The following SCAF8 variants were observed in gnomAD, a reference collection of about 807,000 sequenced individuals.
The protein encoded by SCAF8 is SR-related and CTD-associated factor 8.
SCAF8 carries 23 observed loss-of-function variants against 140.5 expected under a neutral mutation model. The ratio of observed to expected loss-of-function variants is 0.16; its 90% CI spans 0.12 to 0.23. The LOEUF is 0.23. Among genes scored for constraint, SCAF8 ranks in the 10% least tolerant of loss-of-function variants. The probability of loss-of-function intolerance (pLI) is 1.00; values close to 1 mark genes in which losing one functional copy is unlikely to be tolerated. For synonymous variants in SCAF8, 575 were observed against 528.9 expected, an observed-to-expected ratio of 1.09 and a Z score of -1.20; for missense variants, 1,397 against 1,555.7, an observed-to-expected ratio of 0.90 and a Z score of 1.72.
chr6:154,733,984 G>A, intron 1 of SCAF8, 54 bp downstream of exon 1: 1 of 1,475,124 alleles, frequency 6.8e-7, no homozygotes, highest in Non-Finnish European at 9.0e-7. Flanking sequence ...CCCACCCCTG[G>A]TCGAGGCCGG....
At chr6:154,824,044 T>C (rs1392759395) in intron 16 of SCAF8, among the ~76,000 whole-genome samples, 190 bp from the exon 17 acceptor site, 2 of 152,052 alleles carry the variant, frequency 1.3e-5, no homozygotes, top group Non-Finnish European at 2.9e-5. Flanking sequence ...GTAAAAACTA[T>C]CTGTTGAATA....
intron 2 of SCAF8, among the ~76,000 whole-genome samples, chr6:154,775,528 T>G (rs1216024297): frequency 1.3e-5 from 2 of 152,208 alleles, no homozygotes; most frequent in Non-Finnish European, 2.9e-5. Flanking sequence ...TTTTCAGATG[T>G]CAGACGGGTC....
intron 16 of SCAF8, 77 bp downstream of exon 16, chr6:154,822,486 A>T: frequency 7.2e-7 from 1 of 1,388,856 alleles, no homozygotes; most frequent in Non-Finnish European, 9.8e-7. Context: ...TACTTTATAA[A>T]ACCGGAATGA....
intron 4 of SCAF8, among the ~76,000 whole-genome samples, chr6:154,790,790 G>A (rs7758477): frequency 0.56 from 85,545 of 151,862 alleles, 26,146 homozygotes; most frequent in East Asian, 0.91. Flanking sequence ...GATTACAGGC[G>A]TGAGCCACTG....
At chr6:154,750,881 T>G (rs1053006993) in intron 1 of SCAF8, among the ~76,000 whole-genome samples, 4 of 152,206 alleles carry the variant, frequency 2.6e-5, no homozygotes, top group African/African-American at 9.6e-5. Flanking sequence ...TTATTCTTTT[T>G]CTTGTTCTCA....
chr6:154,758,856 CT>C, intron 1 of SCAF8, among the ~76,000 whole-genome samples: 1 of 152,230 alleles, frequency 6.6e-6, no homozygotes, highest in South Asian at 2.1e-4. Context: ...TTCTTTTTTC[CT>C]TCCCTCCTCC....
intron 14 of SCAF8, among the ~76,000 whole-genome samples, 178 bp from the exon 15 acceptor site, chr6:154,819,999 A>T (rs1778366236): frequency 6.6e-6 from 1 of 152,224 alleles, no homozygotes; most frequent in African/African-American, 2.4e-5. Context: ...AGACAAAGGG[A>T]AACAACTGGA....
intron 6 of SCAF8, among the ~76,000 whole-genome samples, chr6:154,798,021 G>A (rs1173195699): frequency 6.6e-6 from 1 of 151,146 alleles, no homozygotes; most frequent in African/African-American, 2.4e-5. Context: ...TCACTTCATT[G>A]GTTGTTTTTC....
chr6:154,769,218 A>C (rs907782343), intron 1 of SCAF8, among the ~76,000 whole-genome samples: 1 of 152,198 alleles, frequency 6.6e-6, no homozygotes, highest in Middle Eastern at 3.2e-3. Context: ...CAGTGGGTAC[A>C]TTTTTAAGGA....
intron 1 of SCAF8, among the ~76,000 whole-genome samples, chr6:154,751,298 C>T (rs190079091): frequency 7.2e-5 from 11 of 151,838 alleles, no homozygotes; most frequent in East Asian, 3.9e-4. Context: ...GTGTGATCTC[C>T]GCTCACTGCA....
intron 2 of SCAF8, among the ~76,000 whole-genome samples, chr6:154,777,204 TAA>T (rs1303699306): frequency 2.0e-5 from 3 of 151,746 alleles, no homozygotes; most frequent in Non-Finnish European, 4.4e-5. Context: ...AAAAAAAGTA[TAA>T]AGAGAAGCAC....
intron 14 of SCAF8, among the ~76,000 whole-genome samples, chr6:154,819,234 G>A (rs542987416): frequency 4.5e-4 from 69 of 152,008 alleles, no homozygotes; most frequent in Middle Eastern, 3.4e-3. Context: ...TTTCATTCAT[G>A]ACTGAGTTTC....
intron 1 of SCAF8, among the ~76,000 whole-genome samples, chr6:154,761,790 A>G (rs1776409358): frequency 6.6e-6 from 1 of 152,096 alleles, no homozygotes; most frequent in Non-Finnish European, 1.5e-5. Context: ...AGGAGTTTTT[A>G]TTTTAAGGGA....
intron 3 of SCAF8, among the ~76,000 whole-genome samples, chr6:154,784,204 CT>C (rs1029279788): frequency 2.1e-5 from 3 of 140,502 alleles, no homozygotes; most frequent in East Asian, 2.2e-4. Flanking sequence ...TGTAACTGGA[CT>C]TTTATCATGA....
chr6:154,831,954 T>C lies in SCAF8; in HGVS notation c.2375T>C (p.Ile792Thr). Residue 792 changes from isoleucine to threonine, a missense_variant, in exon 20 of 20, where the codon ATT becomes ACT. Physicochemically the swap from Ile to Thr is moderately conservative, Grantham distance 89. Transcript: ENST00000367178. The part of the protein sequence containing the change: ...ENTRSVIPND[I>T]SSNAAILGGQ... ...TTTTTTTTAGTGATTCCAAATGATA[T>C]TTCAAGTAATGCTGCAATTTTAGGA... 1 of 1,593,250 alleles carries C rather than the reference T, an allele frequency of 6.3e-7. No individual in the cohort carries two copies. The highest frequency in any genetic ancestry group is 8.5e-7 in the Non-Finnish European group (1 of 1,172,894).
At position 154,830,961 on chromosome 6, in the gene SCAF8, T is replaced by C; in HGVS notation, c.2180T>C (p.Val727Ala). 1 of 1,614,120 alleles carries C rather than the reference T, an allele frequency of 6.2e-7. No individual in the cohort carries two copies. The change falls in exon 19 of 20, where the codon GTG becomes GCG. Residue 727 changes from valine (V) to alanine (A), a missense_variant. Around this residue, in one of 5 missense-constraint regions of SCAF8, gnomAD observed 930 missense variants for 874.6 expected, o/e 1.06. Coordinates refer to ENST00000367178, the MANE Select transcript of SCAF8 (RefSeq NM_014892.5). ...TCATTATCCATGACACCGGAAACTG[T>C]GAAAGATGTTGGATTTGGTAGCCTT... ...QPSLSMTPET[V>A]KDVGFGSLVI...
rs748646598 is a variant in SCAF8, at chr6:154,810,036, T to C, written c.1248T>C (p.Ser416=). ...SRSRSPRKRR[S]RSRSGSRKRK... ...GTAGATCACCAAGAAAACGAAGGTC[T>C]AGGTCACGGTCTGGCTCTAGAAAGC... The change falls in exon 12 of 20, where the codon TCT becomes TCC. Residue 416 remains serine, a synonymous_variant. Coordinates refer to ENST00000367178, the MANE Select transcript of SCAF8 (RefSeq NM_014892.5). 4.4e-6 allele frequency: 7 copies of C among 1,603,826 alleles called. No individual in the cohort carries two copies. The Admixed American group carries it at 1.2e-4, about 28-fold the overall frequency.
rs1315143019 is a variant in SCAF8, at chr6:154,743,811, T to G, written c.30+9881T>G. ...AAATATTTTAAATATATGAGTAAAATCCTCTGGAGTAAAAAAATTTTTTAA... is the reference window on the plus strand; with the variant it reads ...AAATATTTTAAATATATGAGTAAAAGCCTCTGGAGTAAAAAAATTTTTTAA... On this transcript the variant is annotated intron_variant, in intron 1 of 19. Coordinates refer to ENST00000367178, the MANE Select transcript of SCAF8 (RefSeq NM_014892.5). Among the ~76,000 whole-genome samples the G allele has an allele frequency of 3.3e-5, 5 of 152,302 alleles. No individual in the cohort carries two copies. In the East Asian group the frequency reaches 9.6e-4, roughly 29 times the overall value.
intron 8 of SCAF8, among the ~76,000 whole-genome samples, chr6:154,804,711 A>G (rs923664834): frequency 2.6e-5 from 4 of 151,964 alleles, no homozygotes; most frequent in African/African-American, 4.8e-5. Flanking sequence ...CTTTTTTCCA[A>G]CTGTTTCAAG....
Sources: gnomAD v4.1 joint callset for allele counts (sites outside exome capture counted in the v4.1 genomes callset) on GRCh38, gnomAD v4.1.1 for gene constraint, gnomAD v4.1.1 regional missense constraint, MANE v1.5 for transcripts, NCBI Gene and HGNC (gene_info 2026-07-23, HGNC 2026-07-21) for gene names.